SH2B1: variants seen among roughly 807,000 people sequenced by gnomAD.
SH2B1 encodes the protein SH2B adaptor protein 1.
In SH2B1, 15 loss-of-function variants were observed where a neutral mutation model predicts 62.6. The observed-to-expected ratio is 0.24, with a 90% CI of 0.16 to 0.37. The LOEUF (loss-of-function observed/expected upper bound fraction) is 0.37. Among genes scored for constraint, SH2B1 ranks in the 10% least tolerant of loss-of-function variants. The probability of loss-of-function intolerance (pLI) is 1.00; values close to 1 mark genes in which losing one functional copy is unlikely to be tolerated. For synonymous variants in SH2B1, 443 were observed against 438.0 expected, an observed-to-expected ratio of 1.01 and a Z score of -0.14; for missense variants, 925 against 1,015.6, an observed-to-expected ratio of 0.91 and a Z score of 1.21.
At chr16:28,860,211 G>A (rs530358994), upstream of SH2B1, among the ~76,000 whole-genome samples, 1 of 150,084 alleles carries the variant, frequency 6.7e-6, no homozygotes, top group African/African-American at 2.5e-5. Flanking sequence ...GCCAAACTGT[G>A]TAGAACATCT....
Position 28,872,560 on chromosome 16 carries a change from G to C in SH2B1, c.1752G>C (p.Glu584Asp). 1 of 1,612,630 alleles carries C rather than the reference G, an allele frequency of 6.2e-7. No homozygotes were observed. The highest frequency in any genetic ancestry group is 8.5e-7 in the Non-Finnish European group (1 of 1,178,694). Residue 584 changes from glutamate (E) to aspartate (D), a missense_variant, in exon 7 of 8, where the codon GAG (glutamate) becomes GAC (aspartate). Transcript: ENST00000684370. This position sits in a 1 kb window ranked among gnomAD's most constrained non-coding sequence, Gnocchi z 5.3. ...ACCTGCGTTTGTCGCTGAACGAGGA[G>C]GGTCAGTGCCGGGTCCAGCACCTGT... is the stretch of plus-strand genomic sequence containing the variant. ...AKHLRLSLNE[E>D]GQCRVQHLWF...
Position 28,852,795 on chromosome 16 carries a change from TAC to T in SH2B1, c.-301+5970_-301+5971del, listed in dbSNP as rs1180537421. On this transcript the variant is annotated intron_variant, in intron 1 of 10. Transcript: ENST00000322610. ...TTATATATATATTTACATATATATT[TAC>T]ATATATATTTACATATATTTACATA... Among the ~76,000 whole-genome samples the T allele has an allele frequency of 2.3e-3, 192 of 82,452 alleles. 33 individuals carry two copies. Among genetic ancestry groups the T allele is most frequent in the African/African-American group, 6.3e-3 (118 of 18,864 alleles). 54.1% of individuals were successfully genotyped at this position (82,452 alleles called of 152,430 possible). A position where few individuals can be genotyped will look rare whatever the true frequency, so the allele number is the denominator to read the frequency against.
In SH2B1 at chr16:28,857,887, CCACCACCA is replaced by C. The variant is rs202033302; in HGVS notation, c.-300-3726_-300-3719del. Among the ~76,000 whole-genome samples the C allele has an allele frequency of 3.8e-3, 575 of 152,114 alleles. 4 individuals are homozygous for C. Among genetic ancestry groups the C allele is most frequent in the African/African-American group, 0.013 (531 of 41,508 alleles). ...CCCGAGTAGCTGGGACTACAGGCGC[CCACCACCA>C]CACCTGGCGAATTTTTGGTATTTTT... On this transcript the variant is annotated intron_variant, in intron 1 of 10. Coordinates refer to the SH2B1 transcript ENST00000322610.
rs755168913 is a variant in SH2B1 at position 28,869,308 on chromosome 16, C to T, written c.1234C>T (p.Leu412=). Residue 412 remains leucine, a synonymous_variant, in exon 4 of 8, where the codon CTG becomes TTG. Transcript: ENST00000684370. ...CACAGACAGCCTGGAGCTGTCCTGCCTGAATCACTCGGAGAGTCTACCCAG... is the reference window on the plus strand; with the variant it reads ...CACAGACAGCCTGGAGCTGTCCTGCTTGAATCACTCGGAGAGTCTACCCAG... ...ENTDSLELSC[L]NHSESLPSQD... The T allele has an allele frequency of 3.7e-6, 6 of 1,614,140 alleles. No homozygotes were observed. The highest frequency in any genetic ancestry group is 2.2e-5 in the East Asian group (1 of 44,880).
Position 28,865,388 on chromosome 16 carries a change from C to G in SH2B1, c.-707C>G. Reference sequence around the variant, plus strand: ...CCATCCTCATTAATGAATCGGCCCCCTCCAAAGAGTTGGACCCTAAGATGC... The same window carrying G: ...CCATCCTCATTAATGAATCGGCCCCGTCCAAAGAGTTGGACCCTAAGATGC... On this transcript the variant is annotated 5_prime_UTR_variant, in exon 1 of 8. Transcript: ENST00000684370. 1 of 985,682 alleles carries G rather than the reference C, an allele frequency of 1.0e-6. No homozygotes were observed. 61.1% of individuals were successfully genotyped at this position (985,682 alleles called of 1,614,324 possible).
rs1962541078 is a variant in SH2B1 at position 28,863,912 on chromosome 16, G to A, written c.-2183G>A. 1.4e-6 allele frequency: 2 copies of A among 1,480,840 alleles called. No individual in the cohort carries two copies. Among genetic ancestry groups the A allele is most frequent in the African/African-American group, 1.4e-5 (1 of 70,988 alleles). 91.7% of individuals were successfully genotyped at this position (1,480,840 alleles called of 1,614,324 possible). ...AGCGGGAGCCGCCGCCGCCGCCGCC[G>A]CCGCCGGAGCTAACCTCGGGGACCG... On this transcript the variant is annotated 5_prime_UTR_variant, in exon 1 of 8. Transcript: ENST00000684370.
At chr16:28,852,922 ATAT>A (rs1249390739) in intron 1 of SH2B1, among the ~76,000 whole-genome samples, 1 of 52,086 alleles carries the variant, frequency 1.9e-5, no homozygotes, top group East Asian at 3.6e-4. Flanking sequence ...GTACATATAT[ATAT>A]TTTTATATAT....
intron 1 of SH2B1, among the ~76,000 whole-genome samples, chr16:28,853,789 G>T (rs929429995): frequency 5.3e-5 from 8 of 151,234 alleles, no homozygotes; most frequent in Non-Finnish European, 1.5e-5. Flanking sequence ...CACAAGGTCA[G>T]GAGTTTGAGA....
rs1288700114 is a variant in SH2B1, at chr16:28,852,357, T to C, written c.-301+5530T>C. On this transcript the variant is annotated intron_variant, in intron 1 of 10. Coordinates refer to the SH2B1 transcript ENST00000322610. Reference sequence around the variant, plus strand: ...ATATATATTTACATATATATTTATATATATATTTATATATATTTACATATA... The same window carrying C: ...ATATATATTTACATATATATTTATACATATATTTATATATATTTACATATA... Among the ~76,000 whole-genome samples, 60 of 88,366 alleles carry C rather than the reference T, an allele frequency of 6.8e-4. 10 individuals carry two copies. Among genetic ancestry groups the C allele is most frequent in the African/African-American group, 1.1e-3 (22 of 19,386 alleles). 58.0% of individuals were successfully genotyped at this position (88,366 alleles called of 152,430 possible).
At position 28,863,854 on chromosome 16, in the gene SH2B1, G is replaced by A; in HGVS notation, c.-2241G>A. ...CTGACGCCTGCGCGGAACCGGGCTG[G>A]GCGCTCGTCGCGTAGTGGGTGGGGG... On this transcript the variant is annotated 5_prime_UTR_variant, in exon 1 of 8. Transcript: ENST00000684370. The A allele has an allele frequency of 6.5e-7, 1 of 1,527,268 alleles. No homozygotes were observed. The highest frequency in any genetic ancestry group is 8.8e-7 in the Non-Finnish European group (1 of 1,142,638). 94.6% of individuals were successfully genotyped at this position (1,527,268 alleles called of 1,614,324 possible).
intron 1 of SH2B1, among the ~76,000 whole-genome samples, chr16:28,849,865 G>A (rs1962058224): frequency 6.6e-6 from 1 of 152,196 alleles, no homozygotes; most frequent in African/African-American, 2.4e-5. Context: ...GGAGGTTGCA[G>A]TGAGCCGATA....
upstream of SH2B1, chr16:28,863,828 C>G: frequency 6.5e-7 from 1 of 1,534,040 alleles, no homozygotes; most frequent in Non-Finnish European, 8.7e-7. Flanking sequence ...GAAAGGGGGT[C>G]CTGACGCCTG....
chr16:28,858,943 CAAAA>C (rs141782037), upstream of SH2B1, among the ~76,000 whole-genome samples: 5 of 104,486 alleles, frequency 4.8e-5, no homozygotes, highest in Non-Finnish European at 6.3e-5. Flanking sequence ...GACTGTTTCT[CAAAA>C]AAAAAAAAAA....
chr16:28,850,727 C>T (rs1398185185), intron 1 of SH2B1, among the ~76,000 whole-genome samples: 1 of 151,768 alleles, frequency 6.6e-6, no homozygotes, highest in Admixed American at 6.6e-5. Flanking sequence ...GGAGTGGTGG[C>T]ACGTGCCTGT....
rs1963133054 is a variant in SH2B1 at position 28,873,085 on chromosome 16, C to A, written c.1898-362C>A. The A allele has an allele frequency of 1.1e-6, 1 of 900,576 alleles. No individual in the cohort carries two copies. The highest frequency in any genetic ancestry group is 1.7e-6 in the Non-Finnish European group (1 of 602,322). The allele number at this position is 900,576 out of a possible 1,614,324, so 55.8% of individuals were successfully genotyped here. On this transcript the variant is annotated intron_variant, in intron 7 of 7. Coordinates refer to ENST00000684370, the MANE Select transcript of SH2B1 (RefSeq NM_001387430.1). This position sits in a 1 kb window ranked among gnomAD's most constrained non-coding sequence, Gnocchi z 4.2. ...ACTCGGTCTGATCCCCTTCCCTCCTCCCTCAATGTCTCATGTCCCTGTCTG... is the reference window on the plus strand; with the variant it reads ...ACTCGGTCTGATCCCCTTCCCTCCTACCTCAATGTCTCATGTCCCTGTCTG...
chr16:28,866,472 T>C lies in SH2B1; in HGVS notation c.378T>C (p.Ser126=). 6.2e-7 allele frequency: 1 copy of C among 1,614,002 alleles called. No individual in the cohort carries two copies. The highest frequency in any genetic ancestry group is 8.5e-7 in the Non-Finnish European group (1 of 1,179,998). Residue 126 remains serine, a synonymous_variant, in exon 1 of 8, where the codon TCT becomes TCC. Transcript: ENST00000684370. The surrounding 1 kb of genome is among the most constrained non-coding windows in gnomAD (Gnocchi z 6.3). ...PLAVLGPSRS[S]EDLAGPLPSS... is the part of the protein sequence containing the mutation. ...CTGTGCTGGGCCCTTCTCGATCATCTGAGGACCTGGCCGGCCCCCTCCCTT... is the reference window on the plus strand; with the variant it reads ...CTGTGCTGGGCCCTTCTCGATCATCCGAGGACCTGGCCGGCCCCCTCCCTT...
chr16:28,863,712 CT>C (rs1449251926), upstream of SH2B1: 1 of 1,535,708 alleles, frequency 6.5e-7, no homozygotes, highest in Non-Finnish European at 8.7e-7. Flanking sequence ...TTCACACCGT[CT>C]TCGGTCTCCT....
chr16:28,865,520 C>T lies in SH2B1; in HGVS notation c.-575C>T, dbSNP rs1319371732. 1.0e-6 allele frequency: 1 copy of T among 985,476 alleles called. No individual in the cohort carries two copies. Among genetic ancestry groups the T allele is most frequent in the African/African-American group, 1.7e-5 (1 of 57,216 alleles). The allele number at this position is 985,476 out of a possible 1,614,324, so 61.0% of individuals were successfully genotyped here. ...GGCTGGCCCAGCCGGGCCCTGGGGA[C>T]AGGGACTATGAAGTGGGGAAAACAG... On this transcript the variant is annotated 5_prime_UTR_variant, in exon 1 of 8. It introduces an in-frame stop codon into an upstream open reading frame of the 5' UTR. Transcript: ENST00000684370.
intron 1 of SH2B1, among the ~76,000 whole-genome samples, chr16:28,850,154 T>C (rs564903031): frequency 1.1e-4 from 16 of 152,278 alleles, no homozygotes; most frequent in African/African-American, 3.9e-4. Context: ...AGGAGGGATT[T>C]GTTAAGGGTA....
Sources: gnomAD v4.1 joint callset for allele counts (sites outside exome capture counted in the v4.1 genomes callset) on GRCh38, gnomAD v4.1.1 for gene constraint, Gnocchi (gnomAD v3.1) non-coding constraint, MANE v1.5 for transcripts, NCBI Gene and HGNC (gene_info 2026-07-23, HGNC 2026-07-21) for gene names.